Variants in RASGRF2 observed in about 807,000 individuals in gnomAD.
RASGRF2 encodes the protein Ras protein specific guanine nucleotide releasing factor 2, also known as ras-specific guanine nucleotide-releasing factor 2.
In RASGRF2, 76 loss-of-function variants were observed where a neutral mutation model predicts 151.0. That is an observed-to-expected ratio of 0.50 (90% CI 0.42 to 0.61). The LOEUF is 0.61. Among genes scored for constraint, RASGRF2 ranks in the 20% least tolerant of loss-of-function variants. The probability of loss-of-function intolerance (pLI) is 0.00; values close to 1 mark genes in which losing one functional copy is unlikely to be tolerated. For synonymous variants in RASGRF2, 504 were observed against 566.5 expected (o/e 0.89, Z 1.57); for missense variants, 1,148 against 1,564.6 (o/e 0.73, Z 4.49).
intron 13 of RASGRF2, 33 bp from the exon 14 acceptor site, chr5:81,112,577 G>T (rs760591528): frequency 1.9e-6 from 3 of 1,611,338 alleles, no homozygotes; most frequent in African/African-American, 1.3e-5. Context: ...CCTCCTCCTG[G>T]TTTTACCATC....
At chr5:81,075,226 C>T (rs1022539760) in intron 5 of RASGRF2, among the ~76,000 whole-genome samples, 7 of 152,150 alleles carry the variant, frequency 4.6e-5, no homozygotes, top group African/African-American at 7.2e-5. Context: ...GTAGGTGTCA[C>T]GGATGCAACT....
chr5:81,045,371 G>C lies in RASGRF2; in HGVS notation c.395+2388G>C, dbSNP rs544969951. On this transcript the variant is annotated intron_variant, in intron 2 of 26. Transcript: ENST00000265080. ...GAACCAAACACAAATAATGCAAATT[G>C]CTTTAAAGATGATTAGATTCCAAGT... Among the ~76,000 whole-genome samples the C allele has an allele frequency of 5.3e-5, 8 of 152,254 alleles. No homozygotes were observed. The East Asian group carries it at 1.5e-3, about 29-fold the overall frequency.
intron 1 of RASGRF2, among the ~76,000 whole-genome samples, chr5:81,017,948 A>G (rs1749694118): frequency 6.6e-6 from 1 of 152,024 alleles, no homozygotes; most frequent in Non-Finnish European, 1.5e-5. Flanking sequence ...AAATATAACA[A>G]CAACAAAAAA....
chr5:81,207,342 C>A lies in RASGRF2; in HGVS notation c.3064C>A (p.Pro1022Thr), dbSNP rs1233302663. Residue 1022 changes from proline (P) to threonine (T), a missense_variant, in exon 21 of 27, where the codon CCC becomes ACC. This residue lies in a region of RASGRF2 where 646 missense variants were observed against 807.4 expected (regional missense o/e 0.80). Coordinates refer to ENST00000265080, the MANE Select transcript of RASGRF2 (RefSeq NM_006909.3). ...LLDHVIFRSI[P>T]YEEFLGQGWM... Reference sequence around the variant, plus strand: ...GGACCATGTCATTTTCAGAAGCATTCCCTACGAGTGAGTGCCACCCCCCAC... The same window carrying A: ...GGACCATGTCATTTTCAGAAGCATTACCTACGAGTGAGTGCCACCCCCCAC... The A allele has an allele frequency of 6.2e-7, 1 of 1,613,644 alleles. No individual in the cohort carries two copies. Among genetic ancestry groups the A allele is most frequent in the African/African-American group, 1.3e-5 (1 of 74,898 alleles).
At chr5:81,126,572 C>A (rs1161551495) in intron 16 of RASGRF2, among the ~76,000 whole-genome samples, 1 of 152,138 alleles carries the variant, frequency 6.6e-6, no homozygotes, top group Non-Finnish European at 1.5e-5. Flanking sequence ...CCCCTCCAAC[C>A]CCAGCAGCCC....
intron 1 of RASGRF2, among the ~76,000 whole-genome samples, chr5:81,020,238 C>T (rs1246384696): frequency 6.6e-6 from 1 of 152,176 alleles, no homozygotes; most frequent in Non-Finnish European, 1.5e-5. Flanking sequence ...TCTGTTCTTA[C>T]TGTTCTACTA....
At chr5:81,106,342 A>G (rs977035851) in intron 12 of RASGRF2, among the ~76,000 whole-genome samples, 2 of 152,058 alleles carry the variant, frequency 1.3e-5, no homozygotes, top group Admixed American at 6.5e-5. Context: ...CATTTCATTT[A>G]CTGATTCAGT....
rs764108045 is a variant in RASGRF2 at position 81,219,734 on chromosome 5, C to T, written c.3577C>T (p.Arg1193Cys). The change falls in exon 26 of 27, where the codon CGC becomes TGC. Residue 1193 changes from arginine (R) to cysteine (C), a missense_variant. By Grantham distance (180) the Arg-to-Cys change is radical. Around this residue, in one of 5 missense-constraint regions of RASGRF2, gnomAD observed 100 missense variants for 148.2 expected, o/e 0.67. Coordinates refer to ENST00000265080, the MANE Select transcript of RASGRF2 (RefSeq NM_006909.3). ...GATATCACACATCATCAGAGAGATA[C>T]GCCAGTTCCAGCAGACTTCCTACAG... ...RMISHIIREIRQFQQTSYRID... is the reference protein window; with the variant it reads ...RMISHIIREICQFQQTSYRID... 23 of 1,610,928 alleles carry T rather than the reference C, an allele frequency of 1.4e-5. No individual in the cohort carries two copies. The Admixed American group carries it at 1.5e-4, about 11-fold the overall frequency.
chr5:81,155,629 G>GT (rs35561086), intron 17 of RASGRF2, among the ~76,000 whole-genome samples: 53,777 of 151,950 alleles, frequency 0.35, 11,313 homozygotes, highest in African/African-American at 0.6. Context: ...CAGCAGTGGA[G>GT]TCCCATAAGG....
intron 13 of RASGRF2, among the ~76,000 whole-genome samples, chr5:81,111,265 C>T (rs1480059598): frequency 6.6e-6 from 1 of 152,112 alleles, no homozygotes; most frequent in African/African-American, 2.4e-5. Context: ...GATCGCCGGT[C>T]CTGAAATGCT....
chr5:80,991,145 T>TA (rs1468594634), intron 1 of RASGRF2, among the ~76,000 whole-genome samples: 2 of 152,194 alleles, frequency 1.3e-5, no homozygotes, highest in African/African-American at 4.8e-5. Flanking sequence ...GGAGGCCTTG[T>TA]AAAATGCAAA....
chr5:81,157,354 T>TAAA (rs559651337), intron 17 of RASGRF2, among the ~76,000 whole-genome samples: 1 of 108,208 alleles, frequency 9.2e-6, no homozygotes, highest in Admixed American at 1.0e-4. Flanking sequence ...AGAGTCTGTC[T>TAAA]AAAAAAAAAA....
chr5:81,080,486 C>T (rs1273358761), intron 6 of RASGRF2, 110 bp from the exon 7 acceptor site: 2 of 1,203,386 alleles, frequency 1.7e-6, no homozygotes, highest in Non-Finnish European at 2.4e-6. Context: ...GGTTGCGGCT[C>T]CATGCATGTG....
At chr5:81,128,484 C>T (rs153241) in intron 17 of RASGRF2, among the ~76,000 whole-genome samples, 51,127 of 152,062 alleles carry the variant, frequency 0.34, 8,950 homozygotes, top group Middle Eastern at 0.48. Context: ...CTCTGAGAAA[C>T]TCTTTATCAG....
At chr5:81,163,585 A>G (rs945799686) in intron 17 of RASGRF2, among the ~76,000 whole-genome samples, 1 of 152,172 alleles carries the variant, frequency 6.6e-6, no homozygotes, top group Non-Finnish European at 1.5e-5. Flanking sequence ...TTTGTGCAAC[A>G]TGTGGTCTCG....
At chr5:81,052,352 T>C (rs560167095) in intron 2 of RASGRF2, among the ~76,000 whole-genome samples, 1 of 152,344 alleles carries the variant, frequency 6.6e-6, no homozygotes, top group African/African-American at 2.4e-5. Context: ...TTATATTTAA[T>C]TGTGCTTTAG....
chr5:81,217,619 G>C lies in RASGRF2; in HGVS notation c.3552+146G>C, dbSNP rs1451793713. On this transcript the variant is annotated intron_variant, in intron 25 of 26. Coordinates refer to ENST00000265080, the MANE Select transcript of RASGRF2 (RefSeq NM_006909.3). ...TTTTGAGAAACAATCTCAGTCTATC[G>C]CCCAGGCTGGAGTGCAGTGGCACGA... 8 of 639,504 alleles carry C rather than the reference G, an allele frequency of 1.3e-5. No homozygotes were observed. In the African/African-American group the frequency reaches 2.0e-4, roughly 16 times the overall value. 39.6% of individuals were successfully genotyped at this position (639,504 alleles called of 1,614,324 possible).
chr5:80,969,593 C>T (rs571583076), intron 1 of RASGRF2, among the ~76,000 whole-genome samples: 18 of 151,066 alleles, frequency 1.2e-4, no homozygotes, highest in South Asian at 4.2e-4. Context: ...GGACTACAGG[C>T]ACCCGCCACC....
chr5:81,014,351 T>C (rs1749562456), intron 1 of RASGRF2, among the ~76,000 whole-genome samples: 2 of 152,184 alleles, frequency 1.3e-5, no homozygotes, highest in Non-Finnish European at 2.9e-5. Flanking sequence ...AGCCTCACAA[T>C]CATGGCAGAA....
Sources: allele counts gnomAD v4.1 joint callset (sites outside exome capture counted in the v4.1 genomes callset), GRCh38; gene constraint gnomAD v4.1.1; regional missense constraint gnomAD v4.1.1; transcripts MANE v1.5; gene names NCBI Gene and HGNC (gene_info 2026-07-23, HGNC 2026-07-21).